The following TNKS variants were observed in gnomAD, a reference collection of about 807,000 sequenced individuals.
The protein encoded by TNKS is poly [ADP-ribose] polymerase tankyrase-1.
TNKS carries 72 observed loss-of-function variants against 135.8 expected under a neutral mutation model. The observed-to-expected ratio is 0.53, with a 90% confidence interval of 0.44 to 0.64. The LOEUF is 0.64. TNKS is among the 30% of genes least tolerant of loss of function. The pLI, the probability that TNKS is intolerant of heterozygous loss-of-function variation, is 0.00. For synonymous variants in TNKS, 849 were observed against 649.3 expected (o/e 1.31, Z -4.68); for missense variants, 1,769 against 1,674.0 (o/e 1.06, Z -0.99).
intron 20 of TNKS, among the ~76,000 whole-genome samples, chr8:9,759,575 T>C (rs1210189252): frequency 2.0e-5 from 3 of 152,218 alleles, no homozygotes; most frequent in South Asian, 4.1e-4. Context: ...TGAATAAATA[T>C]ATTAAATATT....
chr8:9,752,495 T>C, intron 19 of TNKS, 49 bp from the exon 20 acceptor site: 1 of 1,440,776 alleles, frequency 6.9e-7, no homozygotes. Context: ...AAATTTTCTT[T>C]ATATTTAGAG....
At position 9,743,043 on chromosome 8, in the gene TNKS, C is replaced by G. The variant is rs78903625; in HGVS notation, c.2644-4981C>G. ...TTTAATGAAATCATAGGACTCCAGT[C>G]TACATTTCTATTAGGATAGAAAAAC... On this transcript the variant is annotated intron_variant, in intron 17 of 26. Coordinates refer to ENST00000310430, the MANE Select transcript of TNKS (RefSeq NM_003747.3). 7.5e-3 allele frequency among the ~76,000 whole-genome samples: 1,142 copies of G among 152,204 alleles called. 8 individuals carry two copies. Among genetic ancestry groups the G allele is most frequent in the African/African-American group, 0.025 (1,018 of 41,532 alleles).
chr8:9,744,462 G>A (rs1187506516), intron 17 of TNKS, among the ~76,000 whole-genome samples: 1 of 152,146 alleles, frequency 6.6e-6, no homozygotes, highest in Non-Finnish European at 1.5e-5. Context: ...CTGAAGCCAA[G>A]CATGTTTCTC....
In TNKS at chr8:9,567,500, C is replaced by G. The variant is rs574937421; in HGVS notation, c.673+10888C>G. On this transcript the variant is annotated intron_variant, in intron 1 of 26. Coordinates refer to ENST00000310430, the MANE Select transcript of TNKS (RefSeq NM_003747.3). Reference sequence around the variant, plus strand: ...GCGCGATCTTGGCTCACTGCAAGCTCTGCCTCCCGGGTTCACGCCATTCTC... The same window carrying G: ...GCGCGATCTTGGCTCACTGCAAGCTGTGCCTCCCGGGTTCACGCCATTCTC... Among the ~76,000 whole-genome samples the G allele has an allele frequency of 1.4e-4, 22 of 152,356 alleles. No homozygotes were observed. The East Asian group carries it at 4.2e-3, about 29-fold the overall frequency.
Position 9,764,762 on chromosome 8 carries a change from G to A in TNKS, c.3419G>A (p.Gly1140Asp). ...CACAGAGATGGTGGTAATGCTGGCG[G>A]CATCTTCAACAGATACAATGTCATT... ...REHRDGGNAGGIFNRYNVIRI... is the reference protein window; with the variant it reads ...REHRDGGNAGDIFNRYNVIRI... The change falls in exon 23 of 27, where the codon GGC becomes GAC. Residue 1140 changes from glycine (G) to aspartate (D), a missense_variant. Transcript: ENST00000310430. 6.3e-7 allele frequency: 1 copy of A among 1,597,866 alleles called. No homozygotes were observed. Among genetic ancestry groups the A allele is most frequent in the Non-Finnish European group, 8.5e-7 (1 of 1,173,756 alleles).
intron 11 of TNKS, among the ~76,000 whole-genome samples, chr8:9,715,609 G>A (rs761066091): frequency 2.0e-5 from 3 of 152,110 alleles, no homozygotes; most frequent in Non-Finnish European, 2.9e-5. Context: ...TGTTGATGTG[G>A]TTCATACAAG....
intron 6 of TNKS, among the ~76,000 whole-genome samples, chr8:9,705,121 T>G (rs1460648299): frequency 6.6e-6 from 1 of 152,192 alleles, no homozygotes; most frequent in Non-Finnish European, 1.5e-5. Flanking sequence ...AGGATCATCC[T>G]TTATTGATAA....
intron 3 of TNKS, among the ~76,000 whole-genome samples, chr8:9,673,160 C>T (rs551652703): frequency 3.9e-5 from 6 of 152,084 alleles, no homozygotes; most frequent in Non-Finnish European, 8.8e-5. Flanking sequence ...GGAAACCCTG[C>T]TAAGTGTCAG....
In TNKS at chr8:9,580,488, C is replaced by T; in HGVS notation, c.898+105C>T. Reference sequence around the variant, plus strand: ...AGAATAGGTAAGGAAGGGTTTATTGCTTCTTGTAGAAGCAGTTCTTTTCCA... The same window carrying T: ...AGAATAGGTAAGGAAGGGTTTATTGTTTCTTGTAGAAGCAGTTCTTTTCCA... On this transcript the variant is annotated intron_variant, in intron 2 of 26. Transcript: ENST00000310430. The T allele has an allele frequency of 4.0e-6, 4 of 995,010 alleles. No homozygotes were observed. The South Asian group carries it at 6.8e-5, about 17-fold the overall frequency. 61.6% of individuals were successfully genotyped at this position (995,010 alleles called of 1,614,324 possible).
intron 2 of TNKS, among the ~76,000 whole-genome samples, chr8:9,601,562 G>C (rs1799017054): frequency 6.6e-6 from 1 of 152,134 alleles, no homozygotes; most frequent in Admixed American, 6.5e-5. Context: ...TATCTCAGGG[G>C]AATGTCTGGG....
intron 20 of TNKS, among the ~76,000 whole-genome samples, chr8:9,760,900 T>C (rs1422270288): frequency 6.6e-6 from 1 of 152,238 alleles, no homozygotes; most frequent in Non-Finnish European, 1.5e-5. Context: ...TTAAAAAGAA[T>C]CTAATTTTCT....
In TNKS at chr8:9,777,804, G is replaced by A. The variant is rs1458357680; in HGVS notation, c.*1068G>A. ...CAGTGAAATTACTGCACTTGATGAG[G>A]GTCACAAAAATACCACTTGATTGTT... is the stretch of plus-strand genomic sequence containing the variant. On this transcript the variant is annotated 3_prime_UTR_variant, in exon 27 of 27. Transcript: ENST00000310430. 2.6e-5 allele frequency: 4 copies of A among 152,150 alleles called. No homozygotes were observed. The highest frequency in any genetic ancestry group is 5.9e-5 in the Non-Finnish European group (4 of 68,020). 9.4% of individuals were successfully genotyped at this position (152,150 alleles called of 1,614,324 possible). A position where few individuals can be genotyped will look rare whatever the true frequency, so the allele number is the denominator to read the frequency against.
intron 3 of TNKS, among the ~76,000 whole-genome samples, chr8:9,619,277 G>T (rs1033317917): frequency 2.0e-5 from 3 of 152,166 alleles, no homozygotes; most frequent in African/African-American, 7.2e-5. Flanking sequence ...TTGACAAAGG[G>T]AATGTTTGTT....
Position 9,748,231 on chromosome 8 carries a change from T to C in TNKS, c.2832+19T>C. On this transcript the variant is annotated intron_variant, in intron 18 of 26. Transcript: ENST00000310430. ...GGCAACAGTAAGTCCTCATTTCAGA[T>C]ACTGATTATTGTTCCTTCTACTTTC... 6.7e-7 allele frequency: 1 copy of C among 1,481,748 alleles called. No homozygotes were observed. Among genetic ancestry groups the C allele is most frequent in the Non-Finnish European group, 9.0e-7 (1 of 1,109,566 alleles). 91.8% of individuals were successfully genotyped at this position (1,481,748 alleles called of 1,614,324 possible).
At chr8:9,563,781 C>T (rs1325102407) in intron 1 of TNKS, among the ~76,000 whole-genome samples, 1 of 152,018 alleles carries the variant, frequency 6.6e-6, no homozygotes, top group Non-Finnish European at 1.5e-5. Context: ...GCTTTGTGGG[C>T]ATTTTTTTCT....
intron 17 of TNKS, chr8:9,741,147 C>T (rs1231761743): frequency 2.0e-5 from 3 of 152,264 alleles, no homozygotes; most frequent in Admixed American, 6.5e-5. Context: ...ATAACTTACA[C>T]ATGTATATCA....
At chr8:9,610,302 T>C (rs569326471) in intron 2 of TNKS, among the ~76,000 whole-genome samples, 1 of 150,934 alleles carries the variant, frequency 6.6e-6, no homozygotes, top group Non-Finnish European at 1.5e-5. Flanking sequence ...ATCTATAATA[T>C]ATATATACTG....
At chr8:9,721,293 A>T (rs930255363) in intron 12 of TNKS, among the ~76,000 whole-genome samples, 1 of 15,800 alleles carries the variant, frequency 6.3e-5, no homozygotes, top group Non-Finnish European at 2.2e-4. Flanking sequence ...AAATAAATAA[A>T]TAAATTATAT....
intron 18 of TNKS, among the ~76,000 whole-genome samples, chr8:9,749,560 A>G (rs1014109754): frequency 6.7e-6 from 1 of 148,780 alleles, no homozygotes; most frequent in African/African-American, 2.5e-5. Context: ...CCACAACCCC[A>G]ACCTCTTAGA....
Sources: allele counts gnomAD v4.1 joint callset (sites outside exome capture counted in the v4.1 genomes callset), GRCh38; gene constraint gnomAD v4.1.1; transcripts MANE v1.5; gene names NCBI Gene and HGNC (gene_info 2026-07-23, HGNC 2026-07-21).